Variants in VAV2 observed in about 807,000 individuals in gnomAD.
VAV2 encodes the protein guanine nucleotide exchange factor VAV2.
In VAV2, 67 loss-of-function variants were observed where a neutral mutation model predicts 132.5. The ratio of observed to expected loss-of-function variants is 0.51; its 90% CI spans 0.42 to 0.62. The LOEUF (loss-of-function observed/expected upper bound fraction) is 0.62, where lower values mean the gene tolerates loss of function less well. Among genes scored for constraint, VAV2 ranks in the 20% least tolerant of loss-of-function variants. The pLI, the probability that VAV2 is intolerant of heterozygous loss-of-function variation, is 0.00. For synonymous variants in VAV2, 492 were observed against 443.5 expected (o/e 1.11, Z -1.37); for missense variants, 938 against 1,153.6 (o/e 0.81, Z 2.71).
intron 2 of VAV2, among the ~76,000 whole-genome samples, chr9:133,875,564 G>A (rs542323954): frequency 3.7e-4 from 56 of 152,286 alleles, no homozygotes; most frequent in African/African-American, 1.2e-3. Flanking sequence ...AGAAACAGGC[G>A]ATCCCCTTGG....
chr9:133,972,859 T>C (rs369797800), intron 1 of VAV2, among the ~76,000 whole-genome samples: 137 of 152,312 alleles, frequency 9.0e-4, no homozygotes, highest in African/African-American at 3.0e-3. Flanking sequence ...ACGTGCCCAC[T>C]GGACCCATCT....
chr9:133,787,216 G>A (rs2131608223), intron 16 of VAV2, 30 bp downstream of exon 16: 7 of 1,564,964 alleles, frequency 4.5e-6, no homozygotes, highest in Admixed American at 1.8e-5. Context: ...GATTGAGGCA[G>A]GTGGGAGGAC....
chr9:133,822,820 G>GT (rs1554782007), intron 4 of VAV2, among the ~76,000 whole-genome samples: 1 of 151,902 alleles, frequency 6.6e-6, no homozygotes, highest in Non-Finnish European at 1.5e-5. Flanking sequence ...ACAGCCCCTG[G>GT]GCCAGGTCAC....
chr9:133,775,303 G>A (rs990098412), intron 24 of VAV2, among the ~76,000 whole-genome samples: 4 of 152,222 alleles, frequency 2.6e-5, no homozygotes, highest in African/African-American at 9.6e-5. Flanking sequence ...GGGTTAAATA[G>A]AGGGGTGACT....
At position 133,835,055 on chromosome 9, in the gene VAV2, A is replaced by AATAT. The variant is rs143940706; in HGVS notation, c.381-719_381-716dup. Reference sequence around the variant, plus strand: ...TTTCTGCAGTTCACGATGGTATAGAAATATATATATATATATAACACATAA... The same window carrying AATAT: ...TTTCTGCAGTTCACGATGGTATAGAAATATATATATATATATATATAACACATAA... On this transcript the variant is annotated intron_variant, in intron 3 of 29. Coordinates refer to ENST00000371850, the MANE Select transcript of VAV2 (RefSeq NM_001134398.2). Among the ~76,000 whole-genome samples the AATAT allele has an allele frequency of 6.6e-4, 99 of 149,242 alleles. 1 individual carries two copies. Among genetic ancestry groups the AATAT allele is most frequent in the African/African-American group, 2.2e-3 (88 of 40,316 alleles).
At chr9:133,808,297 G>A (rs1835230717) in intron 7 of VAV2, among the ~76,000 whole-genome samples, 1 of 152,248 alleles carries the variant, frequency 6.6e-6, no homozygotes, top group South Asian at 2.1e-4. Context: ...AGGGGGCCCG[G>A]CCGGAGCAAG....
At chr9:133,898,063 G>A (rs1204568441) in intron 2 of VAV2, among the ~76,000 whole-genome samples, 2 of 150,164 alleles carry the variant, frequency 1.3e-5, no homozygotes, top group South Asian at 2.1e-4. Context: ...GGAAGGCCAC[G>A]ATCACTTCCC....
rs751186488 is a variant in VAV2, at chr9:133,770,484, G to A, written c.2241C>T (p.Tyr747=). ...FDSLLELVEY[Y]QCHSLKESFK... ...AGCTCTCCTTCAGTGAGTGGCACTG[G>A]TAGTACTCCACCAACTCCTGCAGGG... is the stretch of plus-strand genomic sequence containing the variant. Residue 747 remains tyrosine, a synonymous_variant, in exon 27 of 30, where the codon TAC becomes TAT. Transcript: ENST00000371850. The A allele has an allele frequency of 1.2e-6, 2 of 1,614,054 alleles. No homozygotes were observed. The highest frequency in any genetic ancestry group is 4.5e-5 in the East Asian group (2 of 44,876).
At chr9:133,853,948 C>T (rs1837284223) in intron 3 of VAV2, among the ~76,000 whole-genome samples, 1 of 152,144 alleles carries the variant, frequency 6.6e-6, no homozygotes, top group African/African-American at 2.4e-5. Flanking sequence ...ACAGAATGAG[C>T]AAGATCCAGG....
chr9:133,793,269 G>GC (rs554622578), intron 12 of VAV2, among the ~76,000 whole-genome samples: 2 of 152,048 alleles, frequency 1.3e-5, no homozygotes, highest in Admixed American at 6.5e-5. Flanking sequence ...TCCTGGCCCT[G>GC]CCCCCCGAGA....
At position 133,802,355 on chromosome 9, in the gene VAV2, C is replaced by CA. The variant is rs1834966353; in HGVS notation, c.836+3725_836+3726insT. ...ACACACACACACACACACACACACA[C>CA]GACTTCATGCATTCCTGGTCTGGTT... On this transcript the variant is annotated intron_variant, in intron 9 of 29. Transcript: ENST00000371850. This position sits in a 1 kb window ranked among gnomAD's most constrained non-coding sequence, Gnocchi z 5.8. Among the ~76,000 whole-genome samples, 2 of 150,298 alleles carry CA rather than the reference C, an allele frequency of 1.3e-5. No homozygotes were observed. The highest frequency in any genetic ancestry group is 1.9e-4 in the East Asian group (1 of 5,134).
intron 2 of VAV2, among the ~76,000 whole-genome samples, chr9:133,899,028 A>G (rs572843915): frequency 8.2e-4 from 124 of 151,668 alleles, no homozygotes; most frequent in African/African-American, 2.9e-3. Context: ...TCACCACGTT[A>G]GCCAGGATGG....
At chr9:133,986,959 G>A (rs1171158142) in intron 1 of VAV2, among the ~76,000 whole-genome samples, 1 of 151,920 alleles carries the variant, frequency 6.6e-6, no homozygotes, top group Non-Finnish European at 1.5e-5. Context: ...CCCCTTGGAG[G>A]CACAAAGCCT....
At chr9:133,841,782 G>A (rs1229751755) in intron 3 of VAV2, among the ~76,000 whole-genome samples, 1 of 152,138 alleles carries the variant, frequency 6.6e-6, no homozygotes, top group Admixed American at 6.5e-5. Context: ...GCAGAATGGG[G>A]GCCGGTAGTA....
intron 2 of VAV2, among the ~76,000 whole-genome samples, chr9:133,915,700 ATG>A (rs1840053153): frequency 7.7e-6 from 1 of 129,168 alleles, no homozygotes; most frequent in African/African-American, 2.6e-5. Context: ...TGCACACACA[ATG>A]CACAGACGCA....
intron 1 of VAV2, among the ~76,000 whole-genome samples, chr9:133,940,869 C>T (rs1161313427): frequency 1.3e-5 from 2 of 151,748 alleles, no homozygotes; most frequent in East Asian, 1.9e-4. Context: ...TATCTATAGA[C>T]CTTACTTGCA....
At chr9:133,845,813 G>A (rs989051341) in intron 3 of VAV2, among the ~76,000 whole-genome samples, 3 of 152,232 alleles carry the variant, frequency 2.0e-5, no homozygotes, top group Non-Finnish European at 2.9e-5. Flanking sequence ...TGGTGAGACA[G>A]GGATGCCAGT....
intron 1 of VAV2, among the ~76,000 whole-genome samples, chr9:133,939,889 AAATC>A (rs1015874795): frequency 3.9e-5 from 6 of 152,208 alleles, no homozygotes; most frequent in African/African-American, 1.4e-4. Flanking sequence ...CAGAATTCCC[AAATC>A]AATGCATGGG....
At chr9:133,803,919 C>A (rs1478499494) in intron 9 of VAV2, among the ~76,000 whole-genome samples, 1 of 152,184 alleles carries the variant, frequency 6.6e-6, no homozygotes, top group Non-Finnish European at 1.5e-5. Context: ...GCTCCCCAAC[C>A]CGCCTCGCCC....
Sources: allele counts gnomAD v4.1 joint callset (sites outside exome capture counted in the v4.1 genomes callset), GRCh38; gene constraint gnomAD v4.1.1; non-coding constraint Gnocchi (gnomAD v3.1); transcripts MANE v1.5; gene names NCBI Gene and HGNC (gene_info 2026-07-23, HGNC 2026-07-21).